Variants in ADGRL3 observed in about 807,000 individuals in gnomAD.
ADGRL3 encodes adhesion G protein-coupled receptor L3.
Under a neutral mutation model 153.5 loss-of-function variants are expected in ADGRL3, and 62 were observed. The observed-to-expected ratio is 0.40, with a 90% CI of 0.33 to 0.50. ADGRL3 has a LOEUF of 0.50. Ranked by LOEUF, ADGRL3 falls within the 20% of genes least tolerant of loss-of-function variation. ADGRL3 has a pLI of 0.47. For synonymous variants in ADGRL3, 710 were observed against 672.5 expected (o/e 1.06, Z -0.86); for missense variants, 1,641 against 1,859.4 (o/e 0.88, Z 2.16).
At chr4:61,274,600 T>G (rs1256618861) in intron 1 of ADGRL3, among the ~76,000 whole-genome samples, 1 of 152,184 alleles carries the variant, frequency 6.6e-6, no homozygotes, top group Non-Finnish European at 1.5e-5. Flanking sequence ...ATGTAAGTTC[T>G]GTGTTTGTTT....
chr4:61,765,971 G>A (rs901663428), intron 8 of ADGRL3, among the ~76,000 whole-genome samples: 28 of 152,194 alleles, frequency 1.8e-4, no homozygotes, highest in South Asian at 4.1e-4. Flanking sequence ...TCTAAGAGGC[G>A]GGCTAGTGGC....
At chr4:61,708,402 AT>A (rs1252493957) in intron 6 of ADGRL3, among the ~76,000 whole-genome samples, 1 of 152,022 alleles carries the variant, frequency 6.6e-6, no homozygotes, top group Admixed American at 6.6e-5. Flanking sequence ...CTTATTCAAT[AT>A]TTAAAATATG....
At chr4:61,979,847 C>G in intron 18 of ADGRL3, 75 bp downstream of exon 18, 4 of 1,200,742 alleles carry the variant, frequency 3.3e-6, no homozygotes, top group Non-Finnish European at 4.8e-6. Flanking sequence ...ACTAAAAATA[C>G]TTATGTTTGA....
intron 1 of ADGRL3, among the ~76,000 whole-genome samples, chr4:61,337,350 G>A (rs145575708): frequency 1.3e-5 from 2 of 152,212 alleles, no homozygotes; most frequent in African/African-American, 2.4e-5. Flanking sequence ...TACAAATTAA[G>A]CAGGGAAGAT....
At chr4:61,355,130 T>C (rs2151390831) in intron 1 of ADGRL3, among the ~76,000 whole-genome samples, 1 of 152,186 alleles carries the variant, frequency 6.6e-6, no homozygotes, top group East Asian at 1.9e-4. Flanking sequence ...CACAAGACAT[T>C]TAACTAAGGT....
intron 2 of ADGRL3, among the ~76,000 whole-genome samples, chr4:61,398,290 G>A (rs755831058): frequency 9.3e-5 from 14 of 149,876 alleles, no homozygotes; most frequent in Non-Finnish European, 2.1e-4. Context: ...TGGGTGAATT[G>A]AAAAAAAAAT....
At chr4:61,242,067 G>A (rs1320323443) in intron 1 of ADGRL3, among the ~76,000 whole-genome samples, 7 of 151,932 alleles carry the variant, frequency 4.6e-5, no homozygotes, top group Admixed American at 6.6e-5. Flanking sequence ...ACTCTGTACC[G>A]TTTCTTCAGT....
In ADGRL3 at chr4:61,759,166, C is replaced by T. The variant is rs187260213; in HGVS notation, c.1399+25612C>T. On this transcript the variant is annotated intron_variant, in intron 8 of 26. Coordinates refer to ENST00000683033, the MANE Select transcript of ADGRL3 (RefSeq NM_001387552.1). ...TCTGACAATTATGTGTTGCTCTTCT[C>T]GAGGAGTATCTTTTTGGTGTTCTCT... Among the ~76,000 whole-genome samples, 35 of 152,114 alleles carry T rather than the reference C, an allele frequency of 2.3e-4. No individual in the cohort carries two copies. The East Asian group carries it at 5.6e-3, about 24-fold the overall frequency.
At chr4:61,743,539 G>T (rs78736973) in intron 8 of ADGRL3, among the ~76,000 whole-genome samples, 13,211 of 152,050 alleles carry the variant, frequency 0.087, 1,214 homozygotes, top group African/African-American at 0.23. Context: ...CTCATTAAAT[G>T]ATGAAATAGA....
At chr4:62,022,263 T>A (rs2099241594) in intron 21 of ADGRL3, among the ~76,000 whole-genome samples, 1 of 152,160 alleles carries the variant, frequency 6.6e-6, no homozygotes, top group African/African-American at 2.4e-5. Context: ...CTCTCTTCAG[T>A]TCTATGAAGG....
intron 25 of ADGRL3, among the ~76,000 whole-genome samples, chr4:62,048,785 T>C (rs1732569961): frequency 6.6e-6 from 1 of 151,526 alleles, no homozygotes; most frequent in Non-Finnish European, 1.5e-5. Context: ...AGTCCTGGCC[T>C]CAAGCAGTCC....
At chr4:61,471,927 C>T (rs780865117) in intron 2 of ADGRL3, among the ~76,000 whole-genome samples, 23 of 151,554 alleles carry the variant, frequency 1.5e-4, no homozygotes, top group Admixed American at 7.2e-4. Context: ...TAATATAATA[C>T]GATTATTTAT....
chr4:61,815,432 T>C lies in ADGRL3; in HGVS notation c.1480+1543T>C, dbSNP rs546986487. Among the ~76,000 whole-genome samples the C allele has an allele frequency of 5.3e-5, 8 of 152,278 alleles. No individual in the cohort carries two copies. The East Asian group carries it at 1.5e-3, about 29-fold the overall frequency. Reference sequence around the variant, plus strand: ...GGTAATAAGCTGATTGGAGAAGAGATTGGCAGAAGGAGGCTTTTCAGCAGT... The same window carrying C: ...GGTAATAAGCTGATTGGAGAAGAGACTGGCAGAAGGAGGCTTTTCAGCAGT... On this transcript the variant is annotated intron_variant, in intron 9 of 26. Transcript: ENST00000683033.
chr4:61,983,776 G>T (rs945441562), intron 19 of ADGRL3, among the ~76,000 whole-genome samples, 173 bp downstream of exon 19: 3 of 152,092 alleles, frequency 2.0e-5, no homozygotes, highest in Non-Finnish European at 2.9e-5. Flanking sequence ...AATACCTTGA[G>T]ACTTATCATG....
chr4:61,407,324 G>T (rs1011170942), intron 2 of ADGRL3, among the ~76,000 whole-genome samples: 8 of 152,080 alleles, frequency 5.3e-5, no homozygotes, highest in Non-Finnish European at 1.2e-4. Context: ...TAGGTCATTA[G>T]TCTTCACATA....
intron 4 of ADGRL3, among the ~76,000 whole-genome samples, chr4:61,535,239 A>T (rs913851443): frequency 6.6e-6 from 1 of 151,964 alleles, no homozygotes; most frequent in African/African-American, 2.4e-5. Context: ...GAGTAAATCA[A>T]ATTTACTGAA....
At chr4:61,645,583 T>G (rs2093937231) in intron 5 of ADGRL3, among the ~76,000 whole-genome samples, 1 of 152,160 alleles carries the variant, frequency 6.6e-6, no homozygotes, top group Non-Finnish European at 1.5e-5. Flanking sequence ...GGGTTGAAAA[T>G]TCTTTTCTTT....
chr4:61,880,974 G>A (rs2149479849), intron 9 of ADGRL3, among the ~76,000 whole-genome samples: 1 of 152,226 alleles, frequency 6.6e-6, no homozygotes, highest in East Asian at 1.9e-4. Flanking sequence ...AGCTCTTTGA[G>A]GAAAGGGGCC....
chr4:61,240,910 TG>T (rs1396786800), intron 1 of ADGRL3, among the ~76,000 whole-genome samples: 1 of 152,058 alleles, frequency 6.6e-6, no homozygotes, highest in Non-Finnish European at 1.5e-5. Flanking sequence ...AAGATTTTGT[TG>T]AAACTGATGT....
Sources: gnomAD v4.1 joint callset for allele counts (sites outside exome capture counted in the v4.1 genomes callset) on GRCh38, gnomAD v4.1.1 for gene constraint, MANE v1.5 for transcripts, NCBI Gene and HGNC (gene_info 2026-07-23, HGNC 2026-07-21) for gene names.